MCOLN2: variants seen among roughly 807,000 people sequenced by gnomAD.
MCOLN2 encodes the protein mucolipin TRP cation channel 2.
Under a neutral mutation model 67.5 loss-of-function variants are expected in MCOLN2, and 57 were observed. That is an observed-to-expected ratio of 0.84 (90% CI 0.68 to 1.05). The LOEUF is 1.05. Among genes scored for constraint, MCOLN2 ranks in the 50% least tolerant of loss-of-function variants. The pLI, the probability that MCOLN2 is intolerant of heterozygous loss-of-function variation, is 0.00. For missense variants in MCOLN2, 620 were observed against 678.8 expected (o/e 0.91, Z 0.96); for synonymous variants, 246 against 233.3 (o/e 1.05, Z -0.50).
At position 84,996,393 on chromosome 1, in the gene MCOLN2, C is replaced by CATATATATATATAT. The variant is rs6143310; in HGVS notation, c.77+389_77+402dup. ...CACACTTACACATACGTATATATTT[C>CATATATATATATAT]ATATATATATATATATATATATATA... On this transcript the variant is annotated intron_variant, in intron 1 of 13. Transcript: ENST00000370608. 4.3e-3 allele frequency among the ~76,000 whole-genome samples: 531 copies of CATATATATATATAT among 123,650 alleles called. 8 individuals carry two copies. Among genetic ancestry groups the CATATATATATATAT allele is most frequent in the African/African-American group, 6.0e-3 (174 of 28,832 alleles). 81.1% of individuals were successfully genotyped at this position (123,650 alleles called of 152,430 possible).
chr1:84,952,214 G>T, intron 6 of MCOLN2, 29 bp downstream of exon 6: 1 of 1,481,352 alleles, frequency 6.8e-7, no homozygotes, highest in Non-Finnish European at 9.3e-7. Context: ...AAAATAAAAG[G>T]AAGTAGCTAG....
chr1:84,990,812 T>C (rs1650853584), intron 1 of MCOLN2, among the ~76,000 whole-genome samples: 1 of 147,750 alleles, frequency 6.8e-6, no homozygotes, highest in African/African-American at 2.5e-5. Flanking sequence ...CAGGCACCTG[T>C]AGTCCCAATT....
intron 11 of MCOLN2, among the ~76,000 whole-genome samples, chr1:84,934,916 G>C (rs1226120378): frequency 1.3e-5 from 2 of 152,152 alleles, no homozygotes; most frequent in Non-Finnish European, 2.9e-5. Flanking sequence ...CAGGAAGATA[G>C]GAAGCTGAAG....
intron 1 of MCOLN2, among the ~76,000 whole-genome samples, chr1:84,974,624 A>G (rs1256062948): frequency 6.6e-6 from 1 of 152,014 alleles, no homozygotes; most frequent in Non-Finnish European, 1.5e-5. Context: ...GCACTGAATA[A>G]TCAGCAGCGA....
intron 4 of MCOLN2, among the ~76,000 whole-genome samples, chr1:84,952,837 G>A (rs1422414453): frequency 6.6e-6 from 1 of 152,148 alleles, no homozygotes. Context: ...GCCAAAAAAT[G>A]TATAACTTCA....
In MCOLN2 at chr1:84,986,595, T is replaced by C. The variant is rs192131727; in HGVS notation, c.77+10201A>G. 4.0e-3 allele frequency among the ~76,000 whole-genome samples: 539 copies of C among 134,052 alleles called. 1 individual carries two copies. Among genetic ancestry groups the C allele is most frequent in the African/African-American group, 0.014 (497 of 36,710 alleles). 87.9% of individuals were successfully genotyped at this position (134,052 alleles called of 152,430 possible). A position where few individuals can be genotyped will look rare whatever the true frequency, so the allele number is the denominator to read the frequency against. ...ACAGCAAAAGAAACAATCAGCAGAA[T>C]AGACAACCCAATGAGTGAGAGAAAA... On this transcript the variant is annotated intron_variant, in intron 1 of 13. Coordinates refer to ENST00000370608, the MANE Select transcript of MCOLN2 (RefSeq NM_153259.4).
At chr1:84,978,987 G>C (rs187496420) in intron 1 of MCOLN2, among the ~76,000 whole-genome samples, 1 of 152,134 alleles carries the variant, frequency 6.6e-6, no homozygotes, top group Non-Finnish European at 1.5e-5. Flanking sequence ...TCCAGCATGG[G>C]AGAAAGACAT....
intron 1 of MCOLN2, among the ~76,000 whole-genome samples, chr1:84,973,171 T>C (rs1484386044): frequency 6.6e-6 from 1 of 152,180 alleles, no homozygotes; most frequent in African/African-American, 2.4e-5. Context: ...TAAGGTGCCC[T>C]CACTCGGTCA....
At chr1:84,979,107 T>A (rs1483624388) in intron 1 of MCOLN2, among the ~76,000 whole-genome samples, 1 of 152,136 alleles carries the variant, frequency 6.6e-6, no homozygotes, top group Non-Finnish European at 1.5e-5. Context: ...TGGGTCTGCC[T>A]TTCCCAGCCC....
chr1:84,949,566 G>A (rs1200120278), intron 6 of MCOLN2, among the ~76,000 whole-genome samples: 2 of 152,110 alleles, frequency 1.3e-5, no homozygotes, highest in Non-Finnish European at 2.9e-5. Context: ...GCGTGAACCT[G>A]GGAGGCAGAG....
intron 6 of MCOLN2, among the ~76,000 whole-genome samples, chr1:84,948,169 G>A (rs1249270924): frequency 1.3e-5 from 2 of 152,190 alleles, no homozygotes; most frequent in Admixed American, 6.5e-5. Context: ...GGCAGCAATT[G>A]CCCCTACCCA....
chr1:84,991,725 A>G (rs1650899130), intron 1 of MCOLN2, among the ~76,000 whole-genome samples: 1 of 152,142 alleles, frequency 6.6e-6, no homozygotes, highest in Non-Finnish European at 1.5e-5. Context: ...ACCTCTGATC[A>G]CCACTTTGCT....
intron 4 of MCOLN2, among the ~76,000 whole-genome samples, chr1:84,954,694 A>G (rs1648687041): frequency 1.3e-5 from 2 of 152,180 alleles, no homozygotes; most frequent in East Asian, 1.9e-4. Flanking sequence ...CTGAGCACAT[A>G]TTTTAGAAGA....
intron 1 of MCOLN2, among the ~76,000 whole-genome samples, chr1:84,969,911 A>G (rs749142399): frequency 2.6e-5 from 4 of 152,222 alleles, no homozygotes; most frequent in Non-Finnish European, 5.9e-5. Flanking sequence ...GGGAAAGCCC[A>G]TAAGAGTCAT....
chr1:84,984,945 G>A (rs967894755), intron 1 of MCOLN2, among the ~76,000 whole-genome samples: 3 of 152,120 alleles, frequency 2.0e-5, no homozygotes, highest in African/African-American at 7.2e-5. Context: ...GCAGTGAGCT[G>A]TGATCACACC....
At chr1:84,963,747 T>C (rs568191537) in intron 2 of MCOLN2, among the ~76,000 whole-genome samples, 1 of 152,210 alleles carries the variant, frequency 6.6e-6, no homozygotes, top group Non-Finnish European at 1.5e-5. Context: ...TCCCCCATGA[T>C]TGTAAGTTTC....
At position 84,996,830 on chromosome 1, in the gene MCOLN2, C is replaced by T; in HGVS notation, c.43G>A (p.Glu15Lys). 1 of 1,614,164 alleles carries T rather than the reference C, an allele frequency of 6.2e-7. No individual in the cohort carries two copies. The highest frequency in any genetic ancestry group is 1.1e-5 in the South Asian group (1 of 91,064). Reference sequence around the variant, plus strand: ...AACCTGAAAACACCTGATCCTCTCTCCGGAATCCTTGCCTGGGGAAAACGA... The same window carrying T: ...AACCTGAAAACACCTGATCCTCTCTTCGGAATCCTTGCCTGGGGAAAACGA... ...PYRFPQARIP[E>K]RGSGVFRLTV... Residue 15 changes from glutamate (E) to lysine (K), a missense_variant, in exon 1 of 14, where the codon GAG becomes AAG. Glu to Lys is a moderately conservative substitution (Grantham distance 56, BLOSUM62 1). Coordinates refer to ENST00000370608, the MANE Select transcript of MCOLN2 (RefSeq NM_153259.4).
intron 1 of MCOLN2, among the ~76,000 whole-genome samples, chr1:84,972,339 C>T (rs1425984912): frequency 6.6e-6 from 1 of 152,142 alleles, no homozygotes; most frequent in Non-Finnish European, 1.5e-5. Context: ...ATTTATGTTT[C>T]ATTAACCCAT....
At chr1:84,951,236 G>A (rs1648416727) in intron 6 of MCOLN2, among the ~76,000 whole-genome samples, 1 of 152,206 alleles carries the variant, frequency 6.6e-6, no homozygotes, top group South Asian at 2.1e-4. Flanking sequence ...ATAGCAAAAT[G>A]CCTGGTGCAT....
Sources: gnomAD v4.1 joint callset for allele counts (sites outside exome capture counted in the v4.1 genomes callset) on GRCh38, gnomAD v4.1.1 for gene constraint, MANE v1.5 for transcripts, NCBI Gene and HGNC (gene_info 2026-07-23, HGNC 2026-07-21) for gene names.